The following EHMT2 variants were observed in gnomAD, a reference collection of about 807,000 sequenced individuals.
EHMT2 encodes histone-lysine N-methyltransferase EHMT2.
In EHMT2, 59 loss-of-function variants were observed where a neutral mutation model predicts 143.3. That is an observed-to-expected ratio of 0.41 (90% CI 0.33 to 0.51). EHMT2 has a LOEUF of 0.51. Ranked by LOEUF, EHMT2 falls within the 20% of genes least tolerant of loss-of-function variation. EHMT2 has a pLI of 0.18. For synonymous variants in EHMT2, 604 were observed against 651.5 expected (o/e 0.93, Z 1.11); for missense variants, 1,174 against 1,645.9 (o/e 0.71, Z 4.96).
intron 1 of EHMT2, 58 bp downstream of exon 1, chr6:31,897,578 C>G (rs1353533570): frequency 1.8e-6 from 2 of 1,119,270 alleles, no homozygotes; most frequent in Non-Finnish European, 2.2e-6. Flanking sequence ...CACGGGCGCG[C>G]GCTTCCCCCG....
Position 31,883,205 on chromosome 6 carries a change from G to A in EHMT2, c.2994+157C>T. The A allele has an allele frequency of 1.1e-6, 1 of 904,812 alleles. No individual in the cohort carries two copies. Among genetic ancestry groups the A allele is most frequent in the East Asian group, 2.6e-5 (1 of 37,854 alleles). The allele number at this position is 904,812 out of a possible 1,614,324, so 56.0% of individuals were successfully genotyped here. A position where few individuals can be genotyped will look rare whatever the true frequency, so the allele number is the denominator to read the frequency against. ...TGGGCACACGCCCATCGCTGTCCCA[G>A]CCACATCCCAGGATTCCCAGGCCTT... On this transcript the variant is annotated intron_variant, in intron 23 of 27. Coordinates refer to ENST00000375537, the Ensembl canonical transcript of EHMT2. This position sits in a 1 kb window ranked among gnomAD's most constrained non-coding sequence, Gnocchi z 5.6.
chr6:31,880,610 G>A lies in EHMT2; in HGVS notation c.3452+63C>T. The A allele has an allele frequency of 1.3e-6, 2 of 1,560,634 alleles. No individual in the cohort carries two copies. The highest frequency in any genetic ancestry group is 3.4e-5 in the Admixed American group (2 of 59,008). On this transcript the variant is annotated intron_variant, in intron 27 of 27. Transcript: ENST00000375537. The surrounding 1 kb of genome is among the most constrained non-coding windows in gnomAD (Gnocchi z 6.6). ...GACACCAGGTACATGCCAGCCTTCA[G>A]GTCCCAGGTTTGCTGCATCTCCCAC...
rs746195049 is a variant in EHMT2, at chr6:31,880,779, C to T, written c.3346G>A (p.Asp1116Asn). 1.2e-5 allele frequency: 19 copies of T among 1,613,846 alleles called. No individual in the cohort carries two copies. Among genetic ancestry groups the T allele is most frequent in the Non-Finnish European group, 1.5e-5 (18 of 1,180,034 alleles). The change falls in exon 27 of 28, where the codon GAC becomes AAC. Residue 1116 changes from aspartate (D) to asparagine (N), a missense_variant. Transcript: ENST00000375537. The surrounding 1 kb of genome is among the most constrained non-coding windows in gnomAD (Gnocchi z 6.6). Reference sequence around the variant, plus strand: ...ACCCGGACGGGAATGATGTTGGGGTCACACAGGTGGTTGATGAAGCGGCTG... The same window carrying T: ...ACCCGGACGGGAATGATGTTGGGGTTACACAGGTGGTTGATGAAGCGGCTG...
chr6:31,888,026 G>T lies in EHMT2; in HGVS notation c.1745+15C>A, dbSNP rs781757899. On this transcript the variant is annotated intron_variant, in intron 13 of 27. Coordinates refer to ENST00000375537, the Ensembl canonical transcript of EHMT2. The surrounding 1 kb of genome is among the most constrained non-coding windows in gnomAD (Gnocchi z 7.4). Reference sequence around the variant, plus strand: ...GGGGGAGGGAACAGACAGTACAGAAGGGGGAGGCCAGTACCTGGGCTGAGA... The same window carrying T: ...GGGGGAGGGAACAGACAGTACAGAATGGGGAGGCCAGTACCTGGGCTGAGA... The T allele has an allele frequency of 6.4e-6, 10 of 1,572,682 alleles. No homozygotes were observed. The South Asian group carries it at 7.1e-5, about 11-fold the overall frequency.
Position 31,889,262 on chromosome 6 carries a change from G to C in EHMT2, c.1080C>G (p.Arg360=). Residue 360 remains arginine (R), a synonymous_variant, in exon 9 of 28, where the codon CGC becomes CGG. Transcript: ENST00000375537. This position sits in a 1 kb window ranked among gnomAD's most constrained non-coding sequence, Gnocchi z 5.1. Reference sequence around the variant, plus strand: ...CCTTGGCCCGCGGAGGCTCCCGCTTGCGCCGTTTCCGAGACGGCTTCACCC... The same window carrying C: ...CCTTGGCCCGCGGAGGCTCCCGCTTCCGCCGTTTCCGAGACGGCTTCACCC... 4 of 1,611,716 alleles carry C rather than the reference G, an allele frequency of 2.5e-6. No individual in the cohort carries two copies. The highest frequency in any genetic ancestry group is 3.4e-6 in the Non-Finnish European group (4 of 1,179,770).
exon 17 of EHMT2, chr6:31,886,795 C>A (rs377229215): frequency 2.0e-5 from 32 of 1,614,142 alleles, no homozygotes; most frequent in Non-Finnish European, 2.6e-5. Context: ...ACACAGCCAC[C>A]ACGCTGCACC....
rs1298215153 is a variant in EHMT2, at chr6:31,889,965, T to C, written c.865-363A>G. On this transcript the variant is annotated intron_variant, in intron 7 of 27. Coordinates refer to ENST00000375537, the Ensembl canonical transcript of EHMT2. This position sits in a 1 kb window ranked among gnomAD's most constrained non-coding sequence, Gnocchi z 5.1. ...CACAAAGCTCATGAGAAACTTTATA[T>C]GAAAGGTTCAGGCTGACATCACCTG... 6.6e-6 allele frequency among the ~76,000 whole-genome samples: 1 copy of C among 152,170 alleles called. No homozygotes were observed. The highest frequency in any genetic ancestry group is 1.5e-5 in the Non-Finnish European group (1 of 68,026).
In EHMT2 at chr6:31,884,495, G is replaced by A. The variant is rs781636680; in HGVS notation, c.2668C>T (p.Leu890=). The stretch of plus-strand genomic sequence containing the variant: ...CACACGTCGGAGCGCTCGGGAGTCA[G>A]GTCCCATGCTGTGTCCCCCTCTTTG... The change falls in exon 21 of 28, where the codon CTG becomes TTG. Residue 890 remains leucine (L), a synonymous_variant. Coordinates refer to ENST00000375537, the Ensembl canonical transcript of EHMT2. This position sits in a 1 kb window ranked among gnomAD's most constrained non-coding sequence, Gnocchi z 7.3. 1.2e-6 allele frequency: 2 copies of A among 1,613,016 alleles called. No homozygotes were observed. The highest frequency in any genetic ancestry group is 1.7e-5 in the Admixed American group (1 of 60,004).
At chr6:31,879,909 G>A (rs1763876030) in exon 28 of EHMT2, 2 of 739,908 alleles carry the variant, frequency 2.7e-6, no homozygotes, top group South Asian at 1.9e-5. Flanking sequence ...AGCTCTGGGA[G>A]GGAGGGGCTG....
In EHMT2 at chr6:31,883,059, C is replaced by A. The variant is rs1246483479; in HGVS notation, c.2995-50G>T. 6.5e-7 allele frequency: 1 copy of A among 1,535,434 alleles called. No homozygotes were observed. The highest frequency in any genetic ancestry group is 1.4e-5 in the African/African-American group (1 of 73,304). The stretch of plus-strand genomic sequence containing the variant: ...GGTTTCTCTGTGGGGCCCACCTCAG[C>A]TGCCCACCCAGGAACCCCAAGACTC... On this transcript the variant is annotated intron_variant, in intron 23 of 27. Coordinates refer to ENST00000375537, the Ensembl canonical transcript of EHMT2. The surrounding 1 kb of genome is among the most constrained non-coding windows in gnomAD (Gnocchi z 5.6).
exon 16 of EHMT2, chr6:31,887,015 T>C: frequency 6.2e-7 from 1 of 1,613,938 alleles, no homozygotes; most frequent in Non-Finnish European, 8.5e-7. Flanking sequence ...ACATGGCAGA[T>C]CTCCACGGAG....
At position 31,896,838 on chromosome 6, in the gene EHMT2, G is replaced by T. The variant is rs770303377; in HGVS notation, c.110-14C>A. On this transcript the variant is annotated splice_polypyrimidine_tract_variant and intron_variant, in intron 2 of 27. Transcript: ENST00000375537. ...AAGAGCCATGAACTGTAGAGGAAGA[G>T]AAAAAGTTCAGAGCTAAGGGCTCAG... 3.1e-6 allele frequency: 5 copies of T among 1,612,786 alleles called. No individual in the cohort carries two copies. Among genetic ancestry groups the T allele is most frequent in the Non-Finnish European group, 8.5e-7 (1 of 1,179,974 alleles).
exon 6 of EHMT2, chr6:31,892,699 C>T: frequency 6.2e-7 from 1 of 1,613,144 alleles, no homozygotes; most frequent in Non-Finnish European, 8.5e-7. Context: ...CTTACCAGGC[C>T]ACCTCCTGAG....
rs757818270 is a variant in EHMT2, at chr6:31,880,309, C to A, written c.3453-45G>T. 165 of 1,589,490 alleles carry A rather than the reference C, an allele frequency of 1.0e-4. No homozygotes were observed. Among genetic ancestry groups the A allele is most frequent in the Non-Finnish European group, 1.3e-4 (155 of 1,163,434 alleles). On this transcript the variant is annotated intron_variant, in intron 27 of 27. Transcript: ENST00000375537. The surrounding 1 kb of genome is among the most constrained non-coding windows in gnomAD (Gnocchi z 6.6). ...GCTTGTGGGACCTGGACCCAGCCAC[C>A]AAGAGCCCACCCCGAAGACCCTGTG...
chr6:31,897,672 C>G, exon 1 of EHMT2: 1 of 1,149,360 alleles, frequency 8.7e-7, no homozygotes, highest in East Asian at 3.7e-5. Context: ...CCGCCGCCGC[C>G]GCCATCGCCG....
In EHMT2 at chr6:31,881,119, A is replaced by G. The variant is rs1199997999; in HGVS notation, c.3198-27T>C. The stretch of plus-strand genomic sequence containing the variant: ...TGTGGGACAGGAATCCATGGTTCTG[A>G]AGGTGAGTGTGGGCTATTAGGAGGT... On this transcript the variant is annotated intron_variant, in intron 25 of 27. Coordinates refer to ENST00000375537, the Ensembl canonical transcript of EHMT2. This position sits in a 1 kb window ranked among gnomAD's most constrained non-coding sequence, Gnocchi z 4.8. The G allele has an allele frequency of 2.5e-6, 4 of 1,603,520 alleles. No individual in the cohort carries two copies. Among genetic ancestry groups the G allele is most frequent in the Non-Finnish European group, 3.4e-6 (4 of 1,171,704 alleles).
chr6:31,883,113 A>G lies in EHMT2; in HGVS notation c.2995-104T>C. ...AGAGACAGGGAAGTTGGGGTTGGGG[A>G]GGTCACACAGGCTCTGAGATCCGAG... is the stretch of plus-strand genomic sequence containing the variant. On this transcript the variant is annotated intron_variant, in intron 23 of 27. Transcript: ENST00000375537. This position sits in a 1 kb window ranked among gnomAD's most constrained non-coding sequence, Gnocchi z 5.6. The G allele has an allele frequency of 9.4e-7, 1 of 1,068,874 alleles. No individual in the cohort carries two copies. Among genetic ancestry groups the G allele is most frequent in the Non-Finnish European group, 1.4e-6 (1 of 711,940 alleles). 66.2% of individuals were successfully genotyped at this position (1,068,874 alleles called of 1,614,324 possible). A position where few individuals can be genotyped will look rare whatever the true frequency, so the allele number is the denominator to read the frequency against.
At chr6:31,892,206 C>A (rs781160139) in intron 7 of EHMT2, among the ~76,000 whole-genome samples, 2 of 152,238 alleles carry the variant, frequency 1.3e-5, no homozygotes, top group Admixed American at 6.5e-5. Flanking sequence ...CGTGATATTG[C>A]GCTCCAGCCT....
chr6:31,887,816 C>A (rs1581917042), exon 14 of EHMT2: 2 of 1,606,270 alleles, frequency 1.2e-6, no homozygotes, highest in Non-Finnish European at 1.7e-6. Flanking sequence ...TTTTCCAGGG[C>A]CTCCCGGCCT....
Sources: allele counts gnomAD v4.1 joint callset (sites outside exome capture counted in the v4.1 genomes callset), GRCh38; gene constraint gnomAD v4.1.1; non-coding constraint Gnocchi (gnomAD v3.1); transcripts MANE v1.5; gene names NCBI Gene and HGNC (gene_info 2026-07-23, HGNC 2026-07-21).